UBE3D: variants seen among roughly 807,000 people sequenced by gnomAD.
UBE3D encodes the protein E3 ubiquitin-protein ligase E3D.
Under a neutral mutation model 49.6 loss-of-function variants are expected in UBE3D, and 48 were observed. The observed-to-expected ratio is 0.97, with a 90% CI of 0.77 to 1.23. UBE3D has a LOEUF of 1.23. UBE3D is among the 50% of genes most tolerant of loss of function. The probability of loss-of-function intolerance (pLI) is 0.00; values close to 1 mark genes in which losing one functional copy is unlikely to be tolerated. For missense variants in UBE3D, 452 were observed against 468.4 expected (o/e 0.96, Z 0.32); for synonymous variants, 189 against 174.2 (o/e 1.08, Z -0.67).
At chr6:82,898,154 G>A (rs1771466851) in intron 9 of UBE3D, among the ~76,000 whole-genome samples, 1 of 152,186 alleles carries the variant, frequency 6.6e-6, no homozygotes, top group South Asian at 2.1e-4. Flanking sequence ...AGTTAGAATG[G>A]CGATCATTAA....
chr6:83,027,448 A>G (rs1447277466), intron 5 of UBE3D, among the ~76,000 whole-genome samples: 3 of 147,002 alleles, frequency 2.0e-5, no homozygotes, highest in Admixed American at 1.3e-4. Context: ...AAAAAAAAAA[A>G]AAAAAAAAAA....
chr6:82,998,836 GA>G (rs2127742254), intron 8 of UBE3D, among the ~76,000 whole-genome samples: 1 of 152,254 alleles, frequency 6.6e-6, no homozygotes, highest in East Asian at 1.9e-4. Context: ...TTTGCATGGG[GA>G]CAACCAAACT....
chr6:82,991,336 A>G (rs1010747421), intron 8 of UBE3D, among the ~76,000 whole-genome samples: 1 of 152,198 alleles, frequency 6.6e-6, no homozygotes, highest in Non-Finnish European at 1.5e-5. Context: ...CAATACCTCC[A>G]AGGAACTCAA....
Position 82,950,613 on chromosome 6 carries a change from A to G in UBE3D, c.1149+6699T>C, listed in dbSNP as rs1277411821. On this transcript the variant is annotated intron_variant, in intron 9 of 9. Transcript: ENST00000369747. ...AATCCCACTCCTAGGTAGGTACCCA[A>G]AAGAAAAGAAATCAGTATATCAAAG... 2.6e-5 allele frequency among the ~76,000 whole-genome samples: 4 copies of G among 152,174 alleles called. No individual in the cohort carries two copies. In the East Asian group the frequency reaches 7.7e-4, roughly 29 times the overall value.
chr6:83,059,748 G>A (rs551837489), intron 1 of UBE3D, among the ~76,000 whole-genome samples: 47 of 152,052 alleles, frequency 3.1e-4, no homozygotes, highest in African/African-American at 1.1e-3. Flanking sequence ...ACTGTGGAGG[G>A]CATCCATAGG....
rs75491743 is a variant in UBE3D, at chr6:82,908,720, T to C, written c.1150-15678A>G. 5.3e-3 allele frequency among the ~76,000 whole-genome samples: 811 copies of C among 152,278 alleles called. 7 individuals carry two copies. Among genetic ancestry groups the C allele is most frequent in the African/African-American group, 0.018 (736 of 41,546 alleles). ...TTAAAAATATTAGGAGAAAGATGGA[T>C]GGGGTATAGGACTTCTTGTCAACAG... On this transcript the variant is annotated intron_variant, in intron 9 of 9. Transcript: ENST00000369747.
At chr6:82,994,331 A>G (rs1260050918) in intron 8 of UBE3D, among the ~76,000 whole-genome samples, 1 of 152,194 alleles carries the variant, frequency 6.6e-6, no homozygotes, top group African/African-American at 2.4e-5. Context: ...GTAATTATAT[A>G]CTCTTAGCAA....
chr6:83,038,084 A>G (rs992366083), intron 5 of UBE3D: 69 of 164,872 alleles, frequency 4.2e-4, no homozygotes, highest in Non-Finnish European at 8.4e-4. Context: ...AGAAGAAAGA[A>G]GGAAACAAAG....
intron 8 of UBE3D, among the ~76,000 whole-genome samples, chr6:82,986,598 A>G (rs925680165): frequency 3.4e-5 from 5 of 148,774 alleles, no homozygotes; most frequent in Admixed American, 2.0e-4. Flanking sequence ...GTTATTGTAC[A>G]TGGGGTCTTC....
chr6:82,997,435 C>T (rs1172789447), intron 8 of UBE3D, among the ~76,000 whole-genome samples: 1 of 151,828 alleles, frequency 6.6e-6, no homozygotes, highest in Non-Finnish European at 1.5e-5. Context: ...AAAAGAAAAA[C>T]GTGCCCGGGT....
At chr6:82,991,948 T>C (rs756945271) in intron 8 of UBE3D, among the ~76,000 whole-genome samples, 1 of 152,206 alleles carries the variant, frequency 6.6e-6, no homozygotes, top group Non-Finnish European at 1.5e-5. Flanking sequence ...CATTAATTAG[T>C]GTACCTGTAA....
At chr6:83,040,084 T>G (rs1368015412) in intron 4 of UBE3D, among the ~76,000 whole-genome samples, 2 of 152,060 alleles carry the variant, frequency 1.3e-5, no homozygotes, top group Non-Finnish European at 2.9e-5. Context: ...CAGATCTTGA[T>G]GTAAAAAAAT....
intron 1 of UBE3D, among the ~76,000 whole-genome samples, chr6:83,063,508 C>A (rs1784311529): frequency 3.3e-5 from 5 of 149,940 alleles, no homozygotes; most frequent in Admixed American, 2.7e-4. Context: ...TGTGAGAAAG[C>A]TCTTGTTTTG....
intron 8 of UBE3D, among the ~76,000 whole-genome samples, chr6:83,012,562 A>C (rs1780417217): frequency 6.6e-6 from 1 of 152,150 alleles, no homozygotes; most frequent in Non-Finnish European, 1.5e-5. Flanking sequence ...TGTCCTATCC[A>C]CTTGATTATT....
intron 9 of UBE3D, among the ~76,000 whole-genome samples, chr6:82,935,820 A>T (rs1774527364): frequency 6.6e-6 from 1 of 152,190 alleles, no homozygotes; most frequent in East Asian, 1.9e-4. Context: ...AGCCATCACT[A>T]AAGACTGTGA....
At chr6:82,978,039 CCT>C (rs1247567860) in intron 8 of UBE3D, among the ~76,000 whole-genome samples, 1 of 152,024 alleles carries the variant, frequency 6.6e-6, no homozygotes. Flanking sequence ...TCAGAAACAA[CCT>C]CTCTCTCATG....
chr6:83,049,661 G>T, intron 3 of UBE3D: 1 of 387,530 alleles, frequency 2.6e-6, no homozygotes, highest in Non-Finnish European at 5.5e-6. Flanking sequence ...TCCCTCTAGG[G>T]TCTCAACGCC....
chr6:83,009,135 C>A lies in UBE3D; in HGVS notation c.1010+9838G>T, dbSNP rs78026839. On this transcript the variant is annotated intron_variant, in intron 8 of 9. Coordinates refer to ENST00000369747, the MANE Select transcript of UBE3D (RefSeq NM_198920.3). ...CAAGAAAGGAAAGGTAAAGATTCTACATATAATGAATATAAAAATCAGCAA... is the reference window on the plus strand; with the variant it reads ...CAAGAAAGGAAAGGTAAAGATTCTAAATATAATGAATATAAAAATCAGCAA... Among the ~76,000 whole-genome samples the A allele has an allele frequency of 5.9e-5, 9 of 152,186 alleles. No individual in the cohort carries two copies. In the East Asian group the frequency reaches 1.7e-3, roughly 29 times the overall value.
chr6:82,974,895 G>A (rs1777608312), intron 8 of UBE3D, among the ~76,000 whole-genome samples: 1 of 152,088 alleles, frequency 6.6e-6, no homozygotes, highest in Non-Finnish European at 1.5e-5. Flanking sequence ...ATGTTAAAGT[G>A]AGGAAAGCTT....
Sources: gnomAD v4.1 joint callset for allele counts (sites outside exome capture counted in the v4.1 genomes callset) on GRCh38, gnomAD v4.1.1 for gene constraint, MANE v1.5 for transcripts, NCBI Gene and HGNC (gene_info 2026-07-23, HGNC 2026-07-21) for gene names.